The following CAPN7 variants were observed in gnomAD, a reference collection of about 807,000 sequenced individuals.
CAPN7 encodes calpain 7.
A neutral mutation model predicts 115.2 loss-of-function variants in CAPN7; 72 were observed. That is an observed-to-expected ratio of 0.63 (90% CI 0.52 to 0.76). The LOEUF is 0.76. Among genes scored for constraint, CAPN7 ranks in the 30% least tolerant of loss-of-function variants. CAPN7 has a pLI of 0.00. For missense variants in CAPN7, 905 were observed against 971.5 expected (o/e 0.93, Z 0.91); for synonymous variants, 344 against 322.3 (o/e 1.07, Z -0.72).
intron 1 of CAPN7, chr3:15,210,728 T>A: frequency 1.7e-6 from 2 of 1,209,600 alleles, no homozygotes; most frequent in Middle Eastern, 2.2e-4. Flanking sequence ...CCTGAGTAGC[T>A]GGGACTACTT....
rs1245139387 is a variant in CAPN7 at position 15,250,980 on chromosome 3, C to T, written c.2254C>T (p.Pro752Ser). ...EVVTVSTLGD[P>S]GPHGFLRKSS... Reference sequence around the variant, plus strand: ...TGTAACAGTTTCTACTCTAGGAGATCCTGGTCCCCATGGCTTTCTGAGGAA... The same window carrying T: ...TGTAACAGTTTCTACTCTAGGAGATTCTGGTCCCCATGGCTTTCTGAGGAA... The change falls in exon 20 of 21, where the codon CCT (proline) becomes TCT (serine). Residue 752 changes from proline to serine, a missense_variant. By Grantham distance (74) the Pro-to-Ser change is moderately conservative. Around this residue, in one of 3 missense-constraint regions of CAPN7, gnomAD observed 620 missense variants for 703.4 expected, o/e 0.88. Transcript: ENST00000253693. 1 of 1,613,524 alleles carries T rather than the reference C, an allele frequency of 6.2e-7. No individual in the cohort carries two copies. The highest frequency in any genetic ancestry group is 1.7e-5 in the Admixed American group (1 of 59,984).
chr3:15,223,463 C>G lies in CAPN7; in HGVS notation c.639-12C>G. ...AACTTGAACATTTAGGTTTTTTTCT[C>G]GTGTTTGATAGGACAACATCAAAAA... is the stretch of plus-strand genomic sequence containing the variant. On this transcript the variant is annotated splice_polypyrimidine_tract_variant and intron_variant, in intron 5 of 20. Coordinates refer to ENST00000253693, the MANE Select transcript of CAPN7 (RefSeq NM_014296.3). The G allele has an allele frequency of 6.5e-7, 1 of 1,549,428 alleles. No homozygotes were observed. The highest frequency in any genetic ancestry group is 8.9e-7 in the Non-Finnish European group (1 of 1,123,456).
chr3:15,241,097 C>T (rs1299620254), intron 14 of CAPN7, among the ~76,000 whole-genome samples: 3 of 152,162 alleles, frequency 2.0e-5, no homozygotes, highest in Non-Finnish European at 4.4e-5. Context: ...CCCAGCTACT[C>T]GGGAGGCTGA....
At position 15,252,557 on chromosome 3, in the gene CAPN7, A is replaced by G. The variant is rs1405281502; in HGVS notation, c.*1297A>G. On this transcript the variant is annotated 3_prime_UTR_variant, in exon 21 of 21. Transcript: ENST00000253693. ...TTAAAAAGAAAAAATCCAGAACATA[A>G]GAACTATATTATGAACACATGATTT... is the stretch of plus-strand genomic sequence containing the variant. 6.6e-6 allele frequency: 1 copy of G among 152,214 alleles called. No homozygotes were observed. The highest frequency in any genetic ancestry group is 2.4e-5 in the African/African-American group (1 of 41,452). The allele number at this position is 152,214 out of a possible 1,614,324, so 9.4% of individuals were successfully genotyped here. A position where few individuals can be genotyped will look rare whatever the true frequency, so the allele number is the denominator to read the frequency against.
chr3:15,244,503 T>TA (rs1695543385), intron 16 of CAPN7, among the ~76,000 whole-genome samples: 1 of 152,216 alleles, frequency 6.6e-6, no homozygotes, highest in Non-Finnish European at 1.5e-5. Context: ...GATCCACAGA[T>TA]ATGCCAATTC....
chr3:15,234,853 G>T (rs1694895173), intron 11 of CAPN7, among the ~76,000 whole-genome samples, 172 bp from the exon 12 acceptor site: 1 of 151,774 alleles, frequency 6.6e-6, no homozygotes, highest in Non-Finnish European at 1.5e-5. Context: ...AAAGAGAAAT[G>T]TGATAATTTA....
rs964566327 is a variant in CAPN7, at chr3:15,221,822, T to C, written c.638+841T>C. On this transcript the variant is annotated intron_variant, in intron 5 of 20. Transcript: ENST00000253693. ...CCATCTCTACTACAAATACAAAAAA[T>C]AGCTGGGTATGATGATGTGCACTGT... is the stretch of plus-strand genomic sequence containing the variant. Among the ~76,000 whole-genome samples the C allele has an allele frequency of 2.6e-5, 4 of 151,828 alleles. No individual in the cohort carries two copies. In the South Asian group the frequency reaches 8.3e-4, roughly 32 times the overall value.
chr3:15,230,800 TTAAAA>T (rs1316751503), intron 9 of CAPN7, among the ~76,000 whole-genome samples: 5 of 152,366 alleles, frequency 3.3e-5, no homozygotes, highest in South Asian at 2.1e-4. Flanking sequence ...TTGCTAATGC[TTAAAA>T]TAAATTTTCA....
intron 6 of CAPN7, among the ~76,000 whole-genome samples, chr3:15,226,017 G>A (rs1312324109): frequency 6.6e-6 from 1 of 152,056 alleles, no homozygotes; most frequent in Non-Finnish European, 1.5e-5. Context: ...ATTCGGTCGT[G>A]TATTACTTTT....
At chr3:15,224,360 C>G (rs925916481) in intron 6 of CAPN7, among the ~76,000 whole-genome samples, 1 of 151,170 alleles carries the variant, frequency 6.6e-6, no homozygotes, top group Non-Finnish European at 1.5e-5. Flanking sequence ...GCAGCCTTGA[C>G]TTCTCAGGCT....
chr3:15,217,369 G>A (rs1693691797), intron 2 of CAPN7, 56 bp from the exon 3 acceptor site: 2 of 1,376,542 alleles, frequency 1.5e-6, no homozygotes, highest in South Asian at 1.6e-5. Flanking sequence ...AAAATAGTGT[G>A]TTTTCTGGCT....
chr3:15,252,355 A>C lies in CAPN7; in HGVS notation c.*1095A>C, dbSNP rs532149572. ...TGAAAGATTTCATCTGTCGTGTTTC[A>C]TGTAAATGAGAACAGATTATTTGCA... On this transcript the variant is annotated 3_prime_UTR_variant, in exon 21 of 21. Coordinates refer to ENST00000253693, the MANE Select transcript of CAPN7 (RefSeq NM_014296.3). The C allele has an allele frequency of 6.5e-6, 1 of 152,752 alleles. No individual in the cohort carries two copies. Among genetic ancestry groups the C allele is most frequent in the East Asian group, 1.9e-4 (1 of 5,196 alleles). 9.5% of individuals were successfully genotyped at this position (152,752 alleles called of 1,614,324 possible). A position where few individuals can be genotyped will look rare whatever the true frequency, so the allele number is the denominator to read the frequency against.
At chr3:15,245,186 A>G (rs1343966145) in intron 16 of CAPN7, among the ~76,000 whole-genome samples, 3 of 145,792 alleles carry the variant, frequency 2.1e-5, no homozygotes, top group Non-Finnish European at 4.4e-5. Flanking sequence ...TTATTTTTTT[A>G]AATTTCATCT....
intron 9 of CAPN7, 78 bp from the exon 10 acceptor site, chr3:15,232,440 AG>A (rs1414494152): frequency 8.9e-7 from 1 of 1,125,022 alleles, no homozygotes; most frequent in African/African-American, 1.6e-5. Context: ...TCAGTATGAA[AG>A]GTATGTTTTT....
chr3:15,223,869 C>A (rs931447358), intron 6 of CAPN7, among the ~76,000 whole-genome samples: 1 of 152,118 alleles, frequency 6.6e-6, no homozygotes, highest in African/African-American at 2.4e-5. Flanking sequence ...TTCTAACACA[C>A]AGTAAAGAAA....
At chr3:15,234,671 G>A (rs1559403125) in intron 11 of CAPN7, among the ~76,000 whole-genome samples, 1 of 152,090 alleles carries the variant, frequency 6.6e-6, no homozygotes, top group Admixed American at 6.6e-5. Flanking sequence ...TACACATTCG[G>A]TTGCAAAACT....
intron 16 of CAPN7, among the ~76,000 whole-genome samples, chr3:15,243,312 G>A (rs1695462798): frequency 6.6e-6 from 1 of 152,164 alleles, no homozygotes; most frequent in Non-Finnish European, 1.5e-5. Flanking sequence ...GGAAGGGTTC[G>A]GAGAGTCTTT....
chr3:15,227,985 G>A lies in CAPN7; in HGVS notation c.852+20G>A. 7.1e-7 allele frequency: 1 copy of A among 1,401,390 alleles called. No individual in the cohort carries two copies. The highest frequency in any genetic ancestry group is 9.4e-7 in the Non-Finnish European group (1 of 1,069,470). 86.8% of individuals were successfully genotyped at this position (1,401,390 alleles called of 1,614,324 possible). On this transcript the variant is annotated intron_variant, in intron 7 of 20. Transcript: ENST00000253693. The stretch of plus-strand genomic sequence containing the variant: ...AAGCAGGTGAGCATTTATTTTGTAT[G>A]ATTTTATAGAAAAGTCAGCATTTTA...
chr3:15,210,852 C>G, intron 1 of CAPN7: 21 of 1,289,438 alleles, frequency 1.6e-5, no homozygotes, highest in Non-Finnish European at 2.1e-5. Context: ...AAGTGATGTT[C>G]AGTAGATGGC....
Sources: gnomAD v4.1 joint callset for allele counts (sites outside exome capture counted in the v4.1 genomes callset) on GRCh38, gnomAD v4.1.1 for gene constraint, gnomAD v4.1.1 regional missense constraint, MANE v1.5 for transcripts, NCBI Gene and HGNC (gene_info 2026-07-23, HGNC 2026-07-21) for gene names.